Variants in AFG2A observed in about 807,000 individuals in gnomAD.
The protein encoded by AFG2A is AAA ATPase AFG2A, also known as ATPase family gene 2 protein homolog A.
the AFG2A span, among the ~76,000 whole-genome samples, chr4:123,114,026 C>T: frequency 3.3e-5 from 5 of 151,762 alleles, no homozygotes; most frequent in African/African-American, 1.2e-4. Context: ...TTGTCTGCAG[C>T]TCTTAGCAGA....
At chr4:122,928,967 C>G in the AFG2A span, 10 of 1,534,638 alleles carry the variant, frequency 6.5e-6, no homozygotes, top group African/African-American at 8.3e-5. Context: ...CTGTGCTTAG[C>G]ATTCTACCTT....
At chr4:122,950,586 C>T in the AFG2A span, among the ~76,000 whole-genome samples, 1 of 152,134 alleles carries the variant, frequency 6.6e-6, no homozygotes, top group Non-Finnish European at 1.5e-5. Context: ...GTGATCCACC[C>T]GCCTCAGCCT....
At chr4:123,169,670 G>A in the AFG2A span, among the ~76,000 whole-genome samples, 1 of 151,930 alleles carries the variant, frequency 6.6e-6, no homozygotes, top group Non-Finnish European at 1.5e-5. Context: ...TAATAGAGAC[G>A]GGGTTTCACC....
At chr4:123,035,213 G>T in the AFG2A span, among the ~76,000 whole-genome samples, 1 of 152,050 alleles carries the variant, frequency 6.6e-6, no homozygotes, top group Admixed American at 6.6e-5. Flanking sequence ...TTCACCTTGG[G>T]TGCAGCTTCC....
At chr4:123,305,023 C>T in the AFG2A span, among the ~76,000 whole-genome samples, 1 of 152,170 alleles carries the variant, frequency 6.6e-6, no homozygotes, top group African/African-American at 2.4e-5. Context: ...GCAGCCCTGC[C>T]ACATGCTGGT....
At chr4:123,187,638 A>T in the AFG2A span, among the ~76,000 whole-genome samples, 1 of 152,144 alleles carries the variant, frequency 6.6e-6, no homozygotes, top group South Asian at 2.1e-4. Context: ...TATCTAAGCT[A>T]AAGTGATCCT....
At chr4:123,072,682 G>A in the AFG2A span, among the ~76,000 whole-genome samples, 1 of 152,030 alleles carries the variant, frequency 6.6e-6, no homozygotes, top group Non-Finnish European at 1.5e-5. Context: ...TAAACACTAG[G>A]GAAAAATGCA....
At chr4:122,938,005 C>G in the AFG2A span, 8 of 969,218 alleles carry the variant, frequency 8.3e-6, no homozygotes, top group Non-Finnish European at 1.1e-5. Context: ...ATTATAATAT[C>G]TTTATAATAT....
chr4:123,160,595 G>A, the AFG2A span, among the ~76,000 whole-genome samples: 2 of 152,130 alleles, frequency 1.3e-5, no homozygotes, highest in African/African-American at 4.8e-5. Context: ...ACAAGAAAAT[G>A]CCTTCCTATT....
chr4:123,180,171 G>C, the AFG2A span, among the ~76,000 whole-genome samples: 1 of 152,132 alleles, frequency 6.6e-6, no homozygotes, highest in South Asian at 2.1e-4. Context: ...AGTAAGCCAC[G>C]ATCATGCCAC....
At chr4:122,996,162 T>C in the AFG2A span, among the ~76,000 whole-genome samples, 1 of 152,176 alleles carries the variant, frequency 6.6e-6, no homozygotes, top group Non-Finnish European at 1.5e-5. Context: ...GTTGAACCAC[T>C]TCATATTTTT....
the AFG2A span, among the ~76,000 whole-genome samples, chr4:123,174,584 A>T: frequency 6.6e-6 from 1 of 152,136 alleles, no homozygotes; most frequent in African/African-American, 2.4e-5. Context: ...ATAGAAACAG[A>T]TGATTACACT....
chr4:123,096,281 G>T, the AFG2A span, among the ~76,000 whole-genome samples: 1 of 148,290 alleles, frequency 6.7e-6, no homozygotes, highest in Non-Finnish European at 1.5e-5. Flanking sequence ...GAAGATTAAT[G>T]AGATTGTGTG....
At chr4:123,084,993 G>T in the AFG2A span, among the ~76,000 whole-genome samples, 1 of 150,834 alleles carries the variant, frequency 6.6e-6, no homozygotes, top group East Asian at 1.9e-4. Context: ...CAAGTGTGTT[G>T]TTCAGTCTTT....
At chr4:123,296,086 C>A in the AFG2A span, among the ~76,000 whole-genome samples, 1 of 151,766 alleles carries the variant, frequency 6.6e-6, no homozygotes, top group African/African-American at 2.4e-5. Flanking sequence ...AATCAAAAGA[C>A]CTGGACAATC....
chr4:123,199,042 G>A, the AFG2A span, among the ~76,000 whole-genome samples: 2 of 152,160 alleles, frequency 1.3e-5, no homozygotes, highest in African/African-American at 4.8e-5. Context: ...TGAGCCCATT[G>A]ATGAAGGCTG....
At chr4:122,942,524 T>C in the AFG2A span, among the ~76,000 whole-genome samples, 1 of 152,232 alleles carries the variant, frequency 6.6e-6, no homozygotes, top group Non-Finnish European at 1.5e-5. Flanking sequence ...TCTTCTCTCT[T>C]TTTTTCTTTA....
chr4:123,292,920 C>T, the AFG2A span, among the ~76,000 whole-genome samples: 1 of 152,234 alleles, frequency 6.6e-6, no homozygotes, highest in African/African-American at 2.4e-5. Context: ...GACAGAAGTC[C>T]CAGCCTTGAC....
chr4:123,090,195 C>G, the AFG2A span, among the ~76,000 whole-genome samples: 3,242 of 152,256 alleles, frequency 0.021, 65 homozygotes, highest in Non-Finnish European at 0.035. Flanking sequence ...GGGTTTGCAT[C>G]TTACTCAGTT....
Sources: gnomAD v4.1 joint callset for allele counts (sites outside exome capture counted in the v4.1 genomes callset) on GRCh38, gnomAD v4.1.1 for gene constraint, MANE v1.5 for transcripts, NCBI Gene and HGNC (gene_info 2026-07-23, HGNC 2026-07-21) for gene names.